Variants in WDR7 observed in about 807,000 individuals in gnomAD.
WDR7 encodes WD repeat domain 7, also known as WD repeat-containing protein 7.
In WDR7, 46 loss-of-function variants were observed where a neutral mutation model predicts 169.4. That is an observed-to-expected ratio of 0.27 (90% CI 0.21 to 0.35). The LOEUF (loss-of-function observed/expected upper bound fraction) is 0.35, where lower values mean the gene tolerates loss of function less well. Among genes scored for constraint, WDR7 ranks in the 10% least tolerant of loss-of-function variants. The pLI is 1.00. For missense variants in WDR7, 1,534 were observed against 1,859.3 expected (o/e 0.83, Z 3.22); for synonymous variants, 612 against 666.8 (o/e 0.92, Z 1.27).
intron 21 of WDR7, among the ~76,000 whole-genome samples, chr18:56,923,232 T>G (rs2046752354): frequency 6.6e-6 from 1 of 152,226 alleles, no homozygotes; most frequent in Admixed American, 6.5e-5. Flanking sequence ...TAATAGCCAC[T>G]AGACGTAAGT....
At position 56,756,731 on chromosome 18, in the gene WDR7, C is replaced by T. The variant is rs1225952097; in HGVS notation, c.2138C>T (p.Ala713Val). 3.1e-6 allele frequency: 5 copies of T among 1,614,158 alleles called. No homozygotes were observed. The highest frequency in any genetic ancestry group is 1.7e-6 in the Non-Finnish European group (2 of 1,180,028). ...LTEEASRPNT[A>V]LISPENLQKA... ...GAAGAAGCCTCTAGGCCGAATACTG[C>T]TCTTATTTCCCCAGAGAATTTGCAA... Residue 713 changes from alanine to valine, a missense_variant, in exon 15 of 28, where the codon GCT (alanine) becomes GTT (valine). By Grantham distance (64) the Ala-to-Val change is moderately conservative. Coordinates refer to ENST00000254442, the MANE Select transcript of WDR7 (RefSeq NM_015285.3).
In WDR7 at chr18:57,027,577, C is replaced by A; in HGVS notation, c.*370C>A. Reference sequence around the variant, plus strand: ...TCCCAGCCCAGATCAGCATTTTTAGCCATCTCAACCGCACCTCTGAAGTGC... The same window carrying A: ...TCCCAGCCCAGATCAGCATTTTTAGACATCTCAACCGCACCTCTGAAGTGC... On this transcript the variant is annotated 3_prime_UTR_variant, in exon 28 of 28. Transcript: ENST00000254442. The A allele has an allele frequency of 3.9e-6, 1 of 258,790 alleles. No homozygotes were observed. Among genetic ancestry groups the A allele is most frequent in the Admixed American group, 5.3e-5 (1 of 18,968 alleles). 16.0% of individuals were successfully genotyped at this position (258,790 alleles called of 1,614,324 possible). A position where few individuals can be genotyped will look rare whatever the true frequency, so the allele number is the denominator to read the frequency against.
chr18:56,973,493 T>G lies in WDR7; in HGVS notation c.4164+10964T>G, dbSNP rs184416172. On this transcript the variant is annotated intron_variant, in intron 26 of 27. Transcript: ENST00000254442. ...GCCTAATATATATACATATTGTGTGTGGGGGGGGTGTATTCCACCTATATA... is the reference window on the plus strand; with the variant it reads ...GCCTAATATATATACATATTGTGTGGGGGGGGGGTGTATTCCACCTATATA... 2.8e-3 allele frequency among the ~76,000 whole-genome samples: 425 copies of G among 151,658 alleles called. 1 individual carries two copies. The highest frequency in any genetic ancestry group is 9.5e-3 in the African/African-American group (394 of 41,380).
At chr18:56,912,591 GT>G (rs1359192944) in intron 21 of WDR7, among the ~76,000 whole-genome samples, 2 of 152,098 alleles carry the variant, frequency 1.3e-5, no homozygotes, top group African/African-American at 4.8e-5. Flanking sequence ...TTTTTGTGAG[GT>G]TACCATTGGC....
intron 20 of WDR7, among the ~76,000 whole-genome samples, chr18:56,876,645 G>C (rs1282017565): frequency 1.3e-5 from 2 of 152,022 alleles, no homozygotes; most frequent in Non-Finnish European, 1.5e-5. Context: ...TGAGTGCATT[G>C]CTACTCAGAA....
chr18:56,880,125 G>C lies in WDR7; in HGVS notation c.3486G>C (p.Leu1162Phe), dbSNP rs1017614811. 50 of 1,614,034 alleles carry C rather than the reference G, an allele frequency of 3.1e-5. No homozygotes were observed. The highest frequency in any genetic ancestry group is 4.1e-5 in the Non-Finnish European group (48 of 1,179,966). Residue 1162 changes from leucine (L) to phenylalanine (F), a missense_variant, in exon 21 of 28, where the codon TTG becomes TTC. Coordinates refer to ENST00000254442, the MANE Select transcript of WDR7 (RefSeq NM_015285.3). ...SSSQIPEGFG[L>F]TSGGSNYSLA... ...GCCAAATTCCTGAGGGATTCGGGTT[G>C]ACTAGTGGTGGATCCAACTACTCGC...
chr18:56,712,388 G>A (rs368259590), intron 12 of WDR7, among the ~76,000 whole-genome samples: 19 of 152,186 alleles, frequency 1.2e-4, no homozygotes, highest in East Asian at 9.6e-4. Flanking sequence ...CAGCACTACT[G>A]AGGATTATTT....
At chr18:56,781,468 T>C (rs948094776) in intron 18 of WDR7, 65 bp from the exon 19 acceptor site, 5 of 1,395,566 alleles carry the variant, frequency 3.6e-6, no homozygotes, top group Middle Eastern at 1.9e-4. Context: ...AATTTTCTAG[T>C]TTATGAATAT....
intron 11 of WDR7, among the ~76,000 whole-genome samples, chr18:56,695,613 CTACAA>C (rs895430374): frequency 1.3e-4 from 19 of 151,448 alleles, no homozygotes; most frequent in Non-Finnish European, 2.8e-4. Context: ...TCTCGGCTCA[CTACAA>C]TCTCTGCCTC....
At chr18:56,663,172 T>G (rs2024940926) in intron 1 of WDR7, among the ~76,000 whole-genome samples, 1 of 152,204 alleles carries the variant, frequency 6.6e-6, no homozygotes, top group African/African-American at 2.4e-5. Flanking sequence ...TATGACCACA[T>G]TTAACCTTTA....
At chr18:56,818,092 T>G (rs989614617) in intron 20 of WDR7, among the ~76,000 whole-genome samples, 10 of 152,214 alleles carry the variant, frequency 6.6e-5, no homozygotes, top group African/African-American at 2.4e-4. Context: ...TTCACTGCTT[T>G]TCATACTGTC....
the WDR7 span, chr18:57,035,670 G>A: frequency 6.6e-6 from 1 of 152,270 alleles, no homozygotes; most frequent in Non-Finnish European, 1.5e-5. Context: ...GACAGAACTG[G>A]GCCCCAGGTA....
At chr18:56,796,392 G>A (rs1046917978) in intron 19 of WDR7, among the ~76,000 whole-genome samples, 2 of 152,154 alleles carry the variant, frequency 1.3e-5, no homozygotes, top group Non-Finnish European at 2.9e-5. Context: ...TGAAAATGAA[G>A]AACTTAGACC....
intron 20 of WDR7, among the ~76,000 whole-genome samples, chr18:56,840,414 G>A (rs1160547971): frequency 2.6e-5 from 4 of 152,054 alleles, no homozygotes; most frequent in African/African-American, 7.2e-5. Flanking sequence ...TATTAATAGA[G>A]AATAAATATT....
At chr18:56,738,497 G>A (rs1283102028) in intron 14 of WDR7, among the ~76,000 whole-genome samples, 4 of 152,172 alleles carry the variant, frequency 2.6e-5, no homozygotes, top group Non-Finnish European at 5.9e-5. Context: ...GGTTGAGGCT[G>A]CATTGAGCTG....
chr18:56,849,540 A>G (rs190317227), intron 20 of WDR7, among the ~76,000 whole-genome samples: 86 of 152,260 alleles, frequency 5.6e-4, no homozygotes, highest in Admixed American at 1.1e-3. Flanking sequence ...TCTGCTTTCA[A>G]AATAATCACC....
intron 26 of WDR7, among the ~76,000 whole-genome samples, chr18:56,964,209 C>CAA (rs370790953): frequency 0.065 from 4,437 of 68,606 alleles, 86 homozygotes; most frequent in Non-Finnish European, 0.09. Flanking sequence ...TGGTAACATG[C>CAA]AAAAAAAAAA....
chr18:56,672,534 G>C lies in WDR7; in HGVS notation c.19G>C (p.Val7Leu). Residue 7 changes from valine (V) to leucine (L), a missense_variant, in exon 2 of 28, where the codon GTT (valine) becomes CTT (leucine). Val to Leu is a conservative substitution (Grantham distance 32). Coordinates refer to ENST00000254442, the MANE Select transcript of WDR7 (RefSeq NM_015285.3). MAGNSL[V>L]LPIVLWGRKA... ...AAACACAATGGCAGGAAACAGCCTT[G>C]TTCTACCCATTGTTCTTTGGGGTCG... 3 of 1,600,008 alleles carry C rather than the reference G, an allele frequency of 1.9e-6. No individual in the cohort carries two copies. The highest frequency in any genetic ancestry group is 2.6e-6 in the Non-Finnish European group (3 of 1,173,050).
chr18:56,812,751 A>C (rs2044893698), intron 19 of WDR7, among the ~76,000 whole-genome samples: 1 of 152,100 alleles, frequency 6.6e-6, no homozygotes, highest in Admixed American at 6.5e-5. Context: ...CAGCTCCAGG[A>C]GTGAGAATTT....
Sources: allele counts gnomAD v4.1 joint callset (sites outside exome capture counted in the v4.1 genomes callset), GRCh38; gene constraint gnomAD v4.1.1; transcripts MANE v1.5; gene names NCBI Gene and HGNC (gene_info 2026-07-23, HGNC 2026-07-21).